CIMIP6: variants seen among roughly 807,000 people sequenced by gnomAD.
CIMIP6 encodes uncharacterized protein C2orf73.
the CIMIP6 span, among the ~76,000 whole-genome samples, chr2:54,369,981 G>T: frequency 6.6e-6 from 1 of 152,200 alleles, no homozygotes; most frequent in Non-Finnish European, 1.5e-5. Context: ...AAGTCAGCCA[G>T]GTGTAGTGGC....
At chr2:54,357,267 T>C in the CIMIP6 span, among the ~76,000 whole-genome samples, 76 of 152,354 alleles carry the variant, frequency 5.0e-4, no homozygotes, top group African/African-American at 1.8e-3. Flanking sequence ...AATTAGTTTA[T>C]AACAATGTCT....
At chr2:54,381,780 G>T in the CIMIP6 span, 4 of 1,476,140 alleles carry the variant, frequency 2.7e-6, no homozygotes, top group South Asian at 5.7e-5. Flanking sequence ...CTGATTTAAC[G>T]CTTGATTGTA....
At chr2:54,369,091 G>A in the CIMIP6 span, among the ~76,000 whole-genome samples, 1 of 152,124 alleles carries the variant, frequency 6.6e-6, no homozygotes, top group South Asian at 2.1e-4. Context: ...CAGGCCACAG[G>A]AGCCTGCAGC....
the CIMIP6 span, among the ~76,000 whole-genome samples, chr2:54,364,632 C>G: frequency 6.6e-6 from 1 of 152,224 alleles, no homozygotes; most frequent in East Asian, 1.9e-4. Context: ...CCATTAATTC[C>G]CAGATGTTAA....
At chr2:54,357,740 CTAAT>C in the CIMIP6 span, among the ~76,000 whole-genome samples, 18 of 109,852 alleles carry the variant, frequency 1.6e-4, no homozygotes, top group African/African-American at 5.8e-4. Context: ...CCACGCCCAG[CTAAT>C]TTTTTTTTTT....
the CIMIP6 span, chr2:54,381,697 T>G: frequency 8.7e-7 from 1 of 1,147,072 alleles, no homozygotes; most frequent in Non-Finnish European, 1.2e-6. Context: ...TTCCTCATCC[T>G]TTCACTCCTG....
the CIMIP6 span, among the ~76,000 whole-genome samples, chr2:54,345,209 C>A: frequency 8.2e-4 from 125 of 152,132 alleles, no homozygotes; most frequent in African/African-American, 2.6e-3. Context: ...AGCAGGGGAG[C>A]CTTCATAAGG....
At chr2:54,374,427 G>A in the CIMIP6 span, among the ~76,000 whole-genome samples, 1 of 152,152 alleles carries the variant, frequency 6.6e-6, no homozygotes, top group Non-Finnish European at 1.5e-5. Context: ...CTTTAGTCAT[G>A]GATGGCATTT....
the CIMIP6 span, among the ~76,000 whole-genome samples, chr2:54,351,091 TG>T: frequency 2.6e-4 from 39 of 152,254 alleles, no homozygotes; most frequent in Non-Finnish European, 4.3e-4. Flanking sequence ...TTTTAAATAC[TG>T]TATAAAATAA....
At chr2:54,356,913 T>A in the CIMIP6 span, among the ~76,000 whole-genome samples, 1 of 152,170 alleles carries the variant, frequency 6.6e-6, no homozygotes, top group Non-Finnish European at 1.5e-5. Context: ...ATACACGAAG[T>A]TATGAAACTG....
chr2:54,336,026 G>A, the CIMIP6 span, among the ~76,000 whole-genome samples: 5 of 152,088 alleles, frequency 3.3e-5, no homozygotes, highest in African/African-American at 1.2e-4. Context: ...AATCACATCT[G>A]CAAAGTCCCT....
the CIMIP6 span, among the ~76,000 whole-genome samples, chr2:54,365,521 T>C: frequency 2.6e-5 from 4 of 152,154 alleles, no homozygotes; most frequent in African/African-American, 9.7e-5. Flanking sequence ...ATACTTAAAA[T>C]GACTCAAGAC....
At chr2:54,336,809 G>A in the CIMIP6 span, among the ~76,000 whole-genome samples, 1 of 152,168 alleles carries the variant, frequency 6.6e-6, no homozygotes, top group African/African-American at 2.4e-5. Context: ...GAGGGAGAGT[G>A]AGGGAGTGAG....
At chr2:54,349,958 T>TC in the CIMIP6 span, among the ~76,000 whole-genome samples, 1 of 151,896 alleles carries the variant, frequency 6.6e-6, no homozygotes, top group Admixed American at 6.6e-5. Context: ...CAAGAGATTC[T>TC]CCTGCCTCAG....
the CIMIP6 span, among the ~76,000 whole-genome samples, chr2:54,337,827 G>A: frequency 6.6e-6 from 1 of 152,156 alleles, no homozygotes; most frequent in African/African-American, 2.4e-5. Flanking sequence ...ATCTGTCAGT[G>A]AATATGAATG....
the CIMIP6 span, among the ~76,000 whole-genome samples, chr2:54,341,789 A>G: frequency 6.6e-6 from 1 of 152,196 alleles, no homozygotes; most frequent in African/African-American, 2.4e-5. Context: ...TAAGTAAGAC[A>G]AGACCTATAA....
chr2:54,352,151 A>C, the CIMIP6 span, among the ~76,000 whole-genome samples: 1 of 152,154 alleles, frequency 6.6e-6, no homozygotes, highest in Non-Finnish European at 1.5e-5. Context: ...CTAAATAACA[A>C]ATTACAGGTT....
chr2:54,369,450 A>G, the CIMIP6 span, among the ~76,000 whole-genome samples: 5 of 152,192 alleles, frequency 3.3e-5, no homozygotes, highest in Admixed American at 2.6e-4. Context: ...AGCAAGAACA[A>G]TTAGAGCAAC....
the CIMIP6 span, among the ~76,000 whole-genome samples, chr2:54,345,822 T>C: frequency 6.6e-6 from 1 of 152,166 alleles, no homozygotes; most frequent in East Asian, 1.9e-4. Context: ...CTACATATCA[T>C]TACAAAATTG....
Sources: allele counts gnomAD v4.1 joint callset (sites outside exome capture counted in the v4.1 genomes callset), GRCh38; gene constraint gnomAD v4.1.1; transcripts MANE v1.5; gene names NCBI Gene and HGNC (gene_info 2026-07-23, HGNC 2026-07-21).